COL4A6: variants seen among roughly 807,000 people sequenced by gnomAD.
COL4A6 encodes collagen alpha-6(IV) chain.
COL4A6 carries 59 observed loss-of-function variants against 126.7 expected under a neutral mutation model. That is an observed-to-expected ratio of 0.47 (90% CI 0.38 to 0.58). COL4A6 has a LOEUF of 0.58. Ranked by LOEUF, COL4A6 falls within the 20% of genes least tolerant of loss-of-function variation. The pLI is 0.00. For missense variants in COL4A6, 1,285 were observed against 1,337.3 expected, an observed-to-expected ratio of 0.96 and a Z score of 0.61; for synonymous variants, 547 against 496.6, an observed-to-expected ratio of 1.10 and a Z score of -1.35.
intron 2 of COL4A6, among the ~76,000 whole-genome samples, chrX:108,394,394 T>A (rs1211098616): frequency 9.1e-6 from 1 of 110,231 alleles, no homozygotes; most frequent in Non-Finnish European, 1.9e-5. Context: ...CTGCACATTC[T>A]GCACATGTAC....
At chrX:108,318,027 G>A (rs2038927444) in intron 2 of COL4A6, among the ~76,000 whole-genome samples, 2 of 111,714 alleles carry the variant, frequency 1.8e-5, no homozygotes, top group Non-Finnish European at 3.8e-5. Context: ...TATCCACCAT[G>A]ATCAAGAGGG....
At chrX:108,176,312 C>A (rs865836794) in intron 28 of COL4A6, among the ~76,000 whole-genome samples, 83 of 78,221 alleles carry the variant, frequency 1.1e-3, no homozygotes, top group Non-Finnish European at 1.1e-3. Context: ...AAAACTCTGT[C>A]AAAAAAAAAA....
At chrX:108,281,564 T>C (rs1030924921) in intron 3 of COL4A6, among the ~76,000 whole-genome samples, 5 of 111,253 alleles carry the variant, frequency 4.5e-5, no homozygotes, top group Non-Finnish European at 7.5e-5. Flanking sequence ...AAAATGGCCA[T>C]ACTGCCCAAG....
At chrX:108,209,128 T>C (rs761362449) in intron 8 of COL4A6, among the ~76,000 whole-genome samples, 2 of 112,344 alleles carry the variant, frequency 1.8e-5, no homozygotes, top group South Asian at 7.4e-4. Context: ...TGTGTGTGCT[T>C]GCACACATCC....
intron 38 of COL4A6, 84 bp from the exon 39 acceptor site, chrX:108,165,122 A>C: frequency 1.0e-6 from 1 of 965,677 alleles, no homozygotes; most frequent in Non-Finnish European, 1.4e-6. Context: ...ACAGGACTCC[A>C]AAGCCCATTC....
At chrX:108,160,397 G>C in intron 43 of COL4A6, 66 bp downstream of exon 43, 4 of 1,050,568 alleles carry the variant, frequency 3.8e-6, no homozygotes, top group Non-Finnish European at 5.2e-6. Flanking sequence ...TGGGAGAAGA[G>C]AGGGGTTGGC....
intron 2 of COL4A6, among the ~76,000 whole-genome samples, chrX:108,341,800 A>AT (rs767339950): frequency 2.7e-5 from 3 of 111,882 alleles, no homozygotes; most frequent in African/African-American, 9.7e-5. Flanking sequence ...ACTAGATTAT[A>AT]TAAAGATTCC....
At chrX:108,163,186 G>A (rs894188087) in intron 40 of COL4A6, 148 bp from the exon 41 acceptor site, 2 of 466,976 alleles carry the variant, frequency 4.3e-6, no homozygotes, top group East Asian at 4.2e-5. Context: ...GGATGGCACT[G>A]TGTGATATTA....
intron 3 of COL4A6, among the ~76,000 whole-genome samples, chrX:108,255,118 A>G (rs2036960567): frequency 9.7e-6 from 1 of 103,374 alleles, no homozygotes; most frequent in Non-Finnish European, 2.0e-5. Flanking sequence ...TCTTGAGAGC[A>G]AATATACAAA....
intron 5 of COL4A6, among the ~76,000 whole-genome samples, chrX:108,215,663 C>T (rs766948175): frequency 3.1e-4 from 34 of 111,284 alleles, no homozygotes; most frequent in Middle Eastern, 4.6e-3. Flanking sequence ...TGCCCTCCCT[C>T]CTTGGCTATA....
intron 2 of COL4A6, among the ~76,000 whole-genome samples, chrX:108,326,396 A>C (rs1420131493): frequency 2.7e-5 from 3 of 109,446 alleles, no homozygotes; most frequent in African/African-American, 1.1e-4. Context: ...GCTTAAATAA[A>C]TGGAAAGATA....
At chrX:108,290,294 G>A (rs1024185197) in intron 3 of COL4A6, among the ~76,000 whole-genome samples, 9 of 112,133 alleles carry the variant, frequency 8.0e-5, no homozygotes, top group Admixed American at 7.6e-4. Context: ...ATTTAATGAA[G>A]TAGAAAAGAG....
At chrX:108,402,517 A>G (rs1034316038) in intron 2 of COL4A6, among the ~76,000 whole-genome samples, 2 of 110,262 alleles carry the variant, frequency 1.8e-5, no homozygotes, top group Admixed American at 1.9e-4. Flanking sequence ...TTTTTCTTCA[A>G]CTTTTTAGGA....
intron 3 of COL4A6, among the ~76,000 whole-genome samples, chrX:108,277,842 G>A (rs1235469412): frequency 1.8e-5 from 2 of 111,851 alleles, no homozygotes; most frequent in African/African-American, 6.5e-5. Flanking sequence ...ACGAAAATCC[G>A]CTGTTCTGCA....
At chrX:108,304,775 G>A (rs1234760622) in intron 3 of COL4A6, among the ~76,000 whole-genome samples, 2 of 111,748 alleles carry the variant, frequency 1.8e-5, no homozygotes, top group East Asian at 2.8e-4. Context: ...GAAAACCATC[G>A]AAATCAGATG....
chrX:108,387,106 T>G (rs770938292), intron 2 of COL4A6, among the ~76,000 whole-genome samples: 135 of 112,013 alleles, frequency 1.2e-3, no homozygotes, highest in Non-Finnish European at 1.9e-3. Context: ...ATGCTGTTTT[T>G]GTTACTGTAG....
At chrX:108,337,493 A>G (rs1165056836) in intron 2 of COL4A6, among the ~76,000 whole-genome samples, 1 of 112,982 alleles carries the variant, frequency 8.9e-6, no homozygotes, top group African/African-American at 3.2e-5. Context: ...AACAAATTAA[A>G]ATCAGATGAG....
chrX:108,157,242 C>T lies in COL4A6; in HGVS notation c.4831G>A (p.Glu1611Lys), dbSNP rs774819718. The stretch of plus-strand genomic sequence containing the variant: ...GAGACCAGGGACTGGCCTCCACCCT[C>T]GGCACCAGCGGCAGTGTGCTGAAAC... ...SFLMHTAAGAEGGGQSLVSPG... is the reference protein window; with the variant it reads ...SFLMHTAAGAKGGGQSLVSPG... Residue 1611 changes from glutamate (E) to lysine (K), a missense_variant, in exon 45 of 45, where the codon GAG (glutamate) becomes AAG (lysine). Coordinates refer to ENST00000334504, the MANE Select transcript of COL4A6 (RefSeq NM_033641.4). The T allele has an allele frequency of 9.1e-6, 11 of 1,210,139 alleles. No individual in the cohort carries two copies. Among genetic ancestry groups the T allele is most frequent in the Admixed American group, 2.2e-5 (1 of 45,976 alleles).
intron 8 of COL4A6, among the ~76,000 whole-genome samples, chrX:108,207,654 T>C (rs944532608): frequency 1.7e-4 from 19 of 111,852 alleles, no homozygotes; most frequent in Non-Finnish European, 3.6e-4. Context: ...TGGTTGCATC[T>C]GTATGGAACA....
Sources: gnomAD v4.1 joint callset for allele counts (sites outside exome capture counted in the v4.1 genomes callset) on GRCh38, gnomAD v4.1.1 for gene constraint, MANE v1.5 for transcripts, NCBI Gene and HGNC (gene_info 2026-07-23, HGNC 2026-07-21) for gene names.